The following ARMCX4 variants were observed in gnomAD, a reference collection of about 807,000 sequenced individuals.
ARMCX4 encodes the protein armadillo repeat containing X-linked 4.
A neutral mutation model predicts 34.7 loss-of-function variants in ARMCX4; 3 were observed. That is an observed-to-expected ratio of 0.09 (90% CI 0.04 to 0.22). The LOEUF (loss-of-function observed/expected upper bound fraction) is 0.22. ARMCX4 is among the 10% of genes least tolerant of loss of function. ARMCX4 has a pLI of 1.00. For synonymous variants in ARMCX4, 513 were observed against 632.8 expected, an observed-to-expected ratio of 0.81 and a Z score of 2.84; for missense variants, 1,448 against 1,720.8, an observed-to-expected ratio of 0.84 and a Z score of 2.81.
At position 101,421,203 on chromosome X, in the gene ARMCX4, CAAAAA is replaced by C. The variant is rs545262345; in HGVS notation, n.164+2220_164+2224del. Reference sequence around the variant, plus strand: ...GGGCAACAAGAGCAAAACTCTGTCTCAAAAAAAAAAAAAAAAAAAAAGAAAGGAAA... The same window carrying C: ...GGGCAACAAGAGCAAAACTCTGTCTCAAAAAAAAAAAAAAAAGAAAGGAAA... On this transcript the variant is annotated intron_variant and non_coding_transcript_variant, in intron 2 of 3. Coordinates refer to the ARMCX4 transcript ENST00000430461. Among the ~76,000 whole-genome samples the C allele has an allele frequency of 1.3e-4, 5 of 39,168 alleles. No individual in the cohort carries two copies. In the East Asian group the frequency reaches 2.7e-3, roughly 21 times the overall value. 34.0% of individuals were successfully genotyped at this position (39,168 alleles called of 115,157 possible). A position where few individuals can be genotyped will look rare whatever the true frequency, so the allele number is the denominator to read the frequency against.
downstream of ARMCX4, among the ~76,000 whole-genome samples, chrX:101,500,227 C>T (rs782249498): frequency 9.0e-6 from 1 of 111,106 alleles, no homozygotes; most frequent in African/African-American, 3.3e-5. Context: ...AGTGGGCCCA[C>T]TGAGTTCACA....
At chrX:101,509,349 C>T (rs1343949222) in intron 8 of ARMCX4, 2 of 111,490 alleles carry the variant, frequency 1.8e-5, no homozygotes, top group Non-Finnish European at 3.8e-5. Flanking sequence ...TTTATGCTCT[C>T]TTTTGGCAGA....
At position 101,486,199 on chromosome X, in the gene ARMCX4, G is replaced by A. The variant is rs782699369; in HGVS notation, c.-367+107G>A. The A allele has an allele frequency of 9.9e-5, 11 of 111,032 alleles. No homozygotes were observed. In the East Asian group the frequency reaches 3.1e-3, roughly 31 times the overall value. 9.2% of individuals were successfully genotyped at this position (111,032 alleles called of 1,213,427 possible). A position where few individuals can be genotyped will look rare whatever the true frequency, so the allele number is the denominator to read the frequency against. ...ATGGGATGTGGGGTGGGGCTAGCTT[G>A]GGGACTTTCCCTAAACTGCATTTTA... is the stretch of plus-strand genomic sequence containing the variant. On this transcript the variant is annotated intron_variant, in intron 2 of 5. Coordinates refer to ENST00000423738, the MANE Select transcript of ARMCX4 (RefSeq NM_001256155.3).
At chrX:101,501,232 G>A (rs1934291826) in intron 7 of ARMCX4, among the ~76,000 whole-genome samples, 1 of 112,476 alleles carries the variant, frequency 8.9e-6, no homozygotes, top group African/African-American at 3.2e-5. Flanking sequence ...AGCAGAACAA[G>A]GCCCTATAGC....
chrX:101,434,468 G>A (rs1219739200), intron 2 of ARMCX4, among the ~76,000 whole-genome samples: 11 of 109,335 alleles, frequency 1.0e-4, no homozygotes, highest in Non-Finnish European at 1.7e-4. Flanking sequence ...GGCTGGTCTC[G>A]AACTCCTGAC....
chrX:101,419,468 A>G (rs1555989670), intron 2 of ARMCX4, among the ~76,000 whole-genome samples: 1 of 112,454 alleles, frequency 8.9e-6, no homozygotes, highest in Admixed American at 9.4e-5. Flanking sequence ...TATAACTCAA[A>G]GAAGCTCTTA....
chrX:101,452,567 G>GT (rs1223161674), downstream of ARMCX4, among the ~76,000 whole-genome samples: 1 of 110,515 alleles, frequency 9.0e-6, no homozygotes, highest in African/African-American at 3.3e-5. Context: ...TTTTGTTTTT[G>GT]TTTTTTGAGA....
At chrX:101,524,517 A>C (rs1419118897) in intron 11 of ARMCX4, 1 of 112,148 alleles carries the variant, frequency 8.9e-6, no homozygotes, top group African/African-American at 3.2e-5. Flanking sequence ...GCATCGCCTC[A>C]CCTGGGAAGT....
At chrX:101,451,408 A>T (rs1223333237), downstream of ARMCX4, among the ~76,000 whole-genome samples, 3 of 111,443 alleles carry the variant, frequency 2.7e-5, no homozygotes, top group African/African-American at 9.8e-5. Context: ...AAGCACATGA[A>T]TTTTTTCTCC....
chrX:101,527,697 A>G (rs1436471729), intron 11 of ARMCX4, among the ~76,000 whole-genome samples: 1 of 111,971 alleles, frequency 8.9e-6, no homozygotes, highest in Non-Finnish European at 1.9e-5. Flanking sequence ...AGAATACTAT[A>G]AACACCTCTA....
rs1273810553 is a variant in ARMCX4, at chrX:101,445,978, A to AT, written n.269-14dup. ...AGTTGTCTTTATTGATTGTGATTACATTTTTTCCTTCTGTTGCAGAAGACC... is the reference window on the plus strand; with the variant it reads ...AGTTGTCTTTATTGATTGTGATTACATTTTTTTCCTTCTGTTGCAGAAGACC... On this transcript the variant is annotated intron_variant and non_coding_transcript_variant, in intron 3 of 3. Transcript: ENST00000430461. 11 of 111,514 alleles carry AT rather than the reference A, an allele frequency of 9.9e-5. No individual in the cohort carries two copies. In the Admixed American group the frequency reaches 1.1e-3, roughly 11 times the overall value. 9.2% of individuals were successfully genotyped at this position (111,514 alleles called of 1,213,427 possible).
chrX:101,535,365 T>C (rs1234389179), downstream of ARMCX4, among the ~76,000 whole-genome samples: 1 of 111,657 alleles, frequency 9.0e-6, no homozygotes, highest in Non-Finnish European at 1.9e-5. Context: ...GGTGATTATT[T>C]CACATTCCAA....
downstream of ARMCX4, among the ~76,000 whole-genome samples, chrX:101,449,559 T>TA (rs1555998725): frequency 8.9e-6 from 1 of 112,215 alleles, no homozygotes; most frequent in African/African-American, 3.2e-5. Context: ...TTGATTCTTT[T>TA]AAATTATTTC....
At chrX:101,512,757 T>TACATATATATACAC (rs1556016622) in intron 11 of ARMCX4, among the ~76,000 whole-genome samples, 3 of 106,047 alleles carry the variant, frequency 2.8e-5, no homozygotes, top group Non-Finnish European at 5.8e-5. Flanking sequence ...TGTGTATACA[T>TACATATATATACAC]ACATATATAT....
At chrX:101,506,266 G>A (rs965294266) in intron 8 of ARMCX4, among the ~76,000 whole-genome samples, 4 of 112,073 alleles carry the variant, frequency 3.6e-5, no homozygotes, top group Non-Finnish European at 7.5e-5. Context: ...ACTACTCAAG[G>A]TGCCTCATTT....
downstream of ARMCX4, among the ~76,000 whole-genome samples, chrX:101,500,783 T>TA (rs1934281613): frequency 8.9e-6 from 1 of 112,344 alleles, no homozygotes; most frequent in African/African-American, 3.2e-5. Flanking sequence ...AGTGCTCTAC[T>TA]AACTATCATG....
intron 11 of ARMCX4, among the ~76,000 whole-genome samples, chrX:101,515,393 C>CTTTCTTTCTTTCTTTCTTTCTTT (rs1556017492): frequency 9.6e-5 from 1 of 10,452 alleles, no homozygotes. Context: ...TTCTTTCTTT[C>CTTTCTTTCTTTCTTTCTTTCTTT]CCTCCCTCCC....
At chrX:101,517,955 A>G (rs1307879041) in intron 11 of ARMCX4, among the ~76,000 whole-genome samples, 3 of 112,091 alleles carry the variant, frequency 2.7e-5, no homozygotes, top group African/African-American at 6.5e-5. Context: ...CAGAGCACAC[A>G]TAAGAATAGT....
intron 4 of ARMCX4, among the ~76,000 whole-genome samples, chrX:101,477,883 A>G (rs1236098490): frequency 8.9e-6 from 1 of 112,247 alleles, no homozygotes; most frequent in African/African-American, 3.2e-5. Flanking sequence ...TAAAATCATT[A>G]AAATATGATA....
Sources: allele counts gnomAD v4.1 joint callset (sites outside exome capture counted in the v4.1 genomes callset), GRCh38; gene constraint gnomAD v4.1.1; transcripts MANE v1.5; gene names NCBI Gene and HGNC (gene_info 2026-07-23, HGNC 2026-07-21).